The following VCL variants were observed in gnomAD, a reference collection of about 807,000 sequenced individuals.
The protein encoded by VCL is vinculin.
Under a neutral mutation model 125.7 loss-of-function variants are expected in VCL, and 47 were observed. The ratio of observed to expected loss-of-function variants is 0.37; its 90% CI spans 0.30 to 0.48. VCL has a LOEUF of 0.48. Among genes scored for constraint, VCL ranks in the 20% least tolerant of loss-of-function variants. The pLI is 0.99. For missense variants in VCL, 1,069 were observed against 1,455.5 expected (o/e 0.73, Z 4.32); for synonymous variants, 458 against 514.6 (o/e 0.89, Z 1.49).
intron 1 of VCL, among the ~76,000 whole-genome samples, chr10:74,037,211 C>T (rs550957740): frequency 6.6e-6 from 1 of 152,312 alleles, no homozygotes; most frequent in African/African-American, 2.4e-5. Context: ...GCGTAAGCCA[C>T]CACGGCTGAC....
intron 13 of VCL, among the ~76,000 whole-genome samples, chr10:74,099,312 G>A (rs1320779752): frequency 1.3e-5 from 2 of 151,104 alleles, no homozygotes; most frequent in African/African-American, 4.9e-5. Context: ...GTGGTTTCCT[G>A]CACAGTCTGT....
intron 8 of VCL, among the ~76,000 whole-genome samples, chr10:74,086,174 C>T (rs1014322837): frequency 1.3e-5 from 2 of 152,176 alleles, no homozygotes; most frequent in East Asian, 3.9e-4. Context: ...GCCAAGAATG[C>T]GGATCTTAAA....
Position 74,071,964 on chromosome 10 carries a change from A to T in VCL, c.500-766A>T, listed in dbSNP as rs1352937477. ...AAATGGAATCTTATGCAGAATCCCC[A>T]AACAAAAAAAGACAAAATGGAGCTA... On this transcript the variant is annotated intron_variant, in intron 4 of 21. Transcript: ENST00000211998. The surrounding 1 kb of genome is among the most constrained non-coding windows in gnomAD (Gnocchi z 4.1). Among the ~76,000 whole-genome samples the T allele has an allele frequency of 6.6e-6, 1 of 152,202 alleles. No homozygotes were observed. Among genetic ancestry groups the T allele is most frequent in the Admixed American group, 6.5e-5 (1 of 15,282 alleles).
At chr10:74,002,169 A>C (rs935436809) in intron 1 of VCL, among the ~76,000 whole-genome samples, 2 of 152,142 alleles carry the variant, frequency 1.3e-5, no homozygotes, top group African/African-American at 4.8e-5. Context: ...CTTATTGCCC[A>C]GGTTGGAGTG....
chr10:74,060,905 G>T (rs1486827032), intron 2 of VCL, among the ~76,000 whole-genome samples: 1 of 151,972 alleles, frequency 6.6e-6, no homozygotes. Flanking sequence ...GTATTAGAGG[G>T]TCATGAGTGA....
intron 19 of VCL, among the ~76,000 whole-genome samples, 168 bp downstream of exon 19, chr10:74,112,280 T>A (rs905705832): frequency 6.6e-6 from 1 of 152,088 alleles, no homozygotes; most frequent in African/African-American, 2.4e-5. Flanking sequence ...GTTTGATAGG[T>A]CTGCTAACGC....
At chr10:74,120,804 C>T (rs1840421818), downstream of VCL, 2 of 152,280 alleles carry the variant, frequency 1.3e-5, no homozygotes, top group South Asian at 4.2e-4. Context: ...AGGTGTGATC[C>T]ACCACGCCCG....
chr10:74,039,557 A>C (rs1037429963), intron 1 of VCL, among the ~76,000 whole-genome samples: 5 of 151,976 alleles, frequency 3.3e-5, no homozygotes, highest in Admixed American at 6.6e-5. Flanking sequence ...CAAAGGCAGG[A>C]GGATCGCTTG....
At chr10:74,101,195 A>C in intron 14 of VCL, 98 bp downstream of exon 14, 1 of 1,506,148 alleles carries the variant, frequency 6.6e-7, no homozygotes, top group Non-Finnish European at 9.0e-7. Flanking sequence ...AGATGGCATA[A>C]AAAAACATAT....
At chr10:74,019,425 C>G (rs1840619621) in intron 1 of VCL, among the ~76,000 whole-genome samples, 1 of 151,900 alleles carries the variant, frequency 6.6e-6, no homozygotes, top group Admixed American at 6.6e-5. Flanking sequence ...CCCCTACAGG[C>G]CCCAGTGTGT....
At chr10:74,020,984 C>G (rs78398862) in intron 1 of VCL, among the ~76,000 whole-genome samples, 11,980 of 151,584 alleles carry the variant, frequency 0.079, 629 homozygotes, top group African/African-American at 0.15. Flanking sequence ...TAATGAAAAA[C>G]TTTTTCTGAC....
In VCL at chr10:74,112,050, A is replaced by G. The variant is rs777702397; in HGVS notation, c.2887A>G (p.Asn963Asp). 7 of 1,614,108 alleles carry G rather than the reference A, an allele frequency of 4.3e-6. No individual in the cohort carries two copies. In the African/African-American group the frequency reaches 6.7e-5, roughly 15 times the overall value. ...GTTAATGCCATCCAATCAGCCGGTC[A>G]ACCAGCCCATTCTGGCCGCGGCTCA... ...LLLMPSNQPV[N>D]QPILAAAQSL... Residue 963 changes from asparagine (N) to aspartate (D), a missense_variant, in exon 19 of 22, where the codon AAC (asparagine) becomes GAC (aspartate). Physicochemically the swap from Asn to Asp is conservative, Grantham distance 23. Coordinates refer to ENST00000211998, the MANE Select transcript of VCL (RefSeq NM_014000.3).
At chr10:74,036,995 C>T (rs927412731) in intron 1 of VCL, among the ~76,000 whole-genome samples, 1 of 151,836 alleles carries the variant, frequency 6.6e-6, no homozygotes, top group Admixed American at 6.6e-5. Flanking sequence ...ACTGCAAGCT[C>T]TGCCTCCCGG....
chr10:74,117,739 A>AG (rs752652967), intron 21 of VCL, among the ~76,000 whole-genome samples: 3 of 152,246 alleles, frequency 2.0e-5, no homozygotes, highest in Non-Finnish European at 4.4e-5. Flanking sequence ...CCCTGGGGAA[A>AG]GAGCAGTCCA....
chr10:74,041,093 C>T (rs995397996), intron 1 of VCL, among the ~76,000 whole-genome samples: 2 of 152,198 alleles, frequency 1.3e-5, no homozygotes, highest in African/African-American at 4.8e-5. Flanking sequence ...AAGTAATTCT[C>T]TCACCTTGGT....
chr10:74,048,053 G>A (rs549063015), intron 2 of VCL, among the ~76,000 whole-genome samples: 1 of 152,340 alleles, frequency 6.6e-6, no homozygotes, highest in South Asian at 2.1e-4. Flanking sequence ...TTGCATAAGA[G>A]GTGTAGGGTT....
chr10:74,108,776 G>A (rs1840176150), intron 17 of VCL, among the ~76,000 whole-genome samples, 195 bp from the exon 18 acceptor site: 1 of 152,158 alleles, frequency 6.6e-6, no homozygotes. Flanking sequence ...CACTGCGCCC[G>A]GCCACTGCTA....
chr10:74,118,407 C>T lies in VCL; in HGVS notation c.*238C>T. 1 of 554,776 alleles carries T rather than the reference C, an allele frequency of 1.8e-6. No homozygotes were observed. Among genetic ancestry groups the T allele is most frequent in the South Asian group, 1.9e-5 (1 of 51,314 alleles). 34.4% of individuals were successfully genotyped at this position (554,776 alleles called of 1,614,324 possible). ...TCAAACACAGTTACACTTGTGCACC[C>T]TCTATCCCAATAGGCAGACTGGGTT... is the stretch of plus-strand genomic sequence containing the variant. On this transcript the variant is annotated 3_prime_UTR_variant, in exon 22 of 22. Transcript: ENST00000211998.
intron 6 of VCL, chr10:74,076,876 C>T (rs956543633): frequency 6.6e-6 from 1 of 152,580 alleles, no homozygotes; most frequent in African/African-American, 2.4e-5. Context: ...GCATTTTAAC[C>T]TTAATGTTTC....
Sources: gnomAD v4.1 joint callset for allele counts (sites outside exome capture counted in the v4.1 genomes callset) on GRCh38, gnomAD v4.1.1 for gene constraint, Gnocchi (gnomAD v3.1) non-coding constraint, MANE v1.5 for transcripts, NCBI Gene and HGNC (gene_info 2026-07-23, HGNC 2026-07-21) for gene names.